The following RSPH14 variants were observed in gnomAD, a reference collection of about 807,000 sequenced individuals.
RSPH14 encodes the protein radial spoke head 14 homolog.
In RSPH14, 20 loss-of-function variants were observed where a neutral mutation model predicts 26.7. The observed-to-expected ratio is 0.75, with a 90% CI of 0.53 to 1.09. The LOEUF (loss-of-function observed/expected upper bound fraction) is 1.09. Ranked by LOEUF, RSPH14 falls within the 50% of genes least tolerant of loss-of-function variation. RSPH14 has a pLI of 0.00. For synonymous variants in RSPH14, 177 were observed against 189.3 expected (o/e 0.93, Z 0.53); for missense variants, 449 against 457.2 (o/e 0.98, Z 0.16).
At chr22:23,123,492 C>A in intron 4 of RSPH14, 1 of 1,130,692 alleles carries the variant, frequency 8.8e-7, no homozygotes, top group Non-Finnish European at 1.3e-6. Flanking sequence ...TGCCCCAACG[C>A]GTGCTAGAGA....
intron 4 of RSPH14, among the ~76,000 whole-genome samples, chr22:23,097,573 C>T (rs563585389): frequency 6.6e-6 from 1 of 152,380 alleles, no homozygotes; most frequent in East Asian, 1.9e-4. Context: ...GAATGACGGA[C>T]GGGCAGGCAG....
chr22:23,121,544 A>C (rs2070024130), intron 4 of RSPH14, among the ~76,000 whole-genome samples: 1 of 152,168 alleles, frequency 6.6e-6, no homozygotes, highest in Non-Finnish European at 1.5e-5. Context: ...TCTGTAAAAC[A>C]GGAGTGGGCA....
the RSPH14 span, among the ~76,000 whole-genome samples, chr22:23,166,936 G>C: frequency 6.6e-6 from 1 of 152,142 alleles, no homozygotes; most frequent in Non-Finnish European, 1.5e-5. Context: ...CTTTGTGCCA[G>C]CCCCGTATGC....
At chr22:23,174,774 G>A in the RSPH14 span, among the ~76,000 whole-genome samples, 1 of 151,782 alleles carries the variant, frequency 6.6e-6, no homozygotes, top group African/African-American at 2.4e-5. Context: ...TTCGCAACCA[G>A]CCTGACCAAC....
At chr22:23,165,448 G>A in the RSPH14 span, among the ~76,000 whole-genome samples, 18 of 152,308 alleles carry the variant, frequency 1.2e-4, no homozygotes, top group South Asian at 3.5e-3. Context: ...GATATGTTCT[G>A]ATCTTGGGAA....
chr22:23,062,212 T>C (rs768292957), intron 5 of RSPH14, among the ~76,000 whole-genome samples: 4 of 152,176 alleles, frequency 2.6e-5, no homozygotes, highest in Non-Finnish European at 5.9e-5. Context: ...AAATAGGGCA[T>C]GTTCTCCGTG....
At chr22:23,155,965 C>G in the RSPH14 span, 1 of 1,609,620 alleles carries the variant, frequency 6.2e-7, no homozygotes, top group African/African-American at 1.3e-5. Context: ...ACCCACCTCA[C>G]AGCTGGGACA....
intron 4 of RSPH14, among the ~76,000 whole-genome samples, chr22:23,091,197 T>C (rs1176592665): frequency 2.0e-5 from 3 of 152,270 alleles, no homozygotes; most frequent in African/African-American, 4.8e-5. Context: ...GACATGTACA[T>C]GGATCTGCGC....
chr22:23,144,119 A>AAC (rs1601873502), upstream of RSPH14, among the ~76,000 whole-genome samples: 1 of 150,208 alleles, frequency 6.7e-6, no homozygotes, highest in East Asian at 2.0e-4. Flanking sequence ...AAAAAAAAAA[A>AAC]ACAGCTAAAG....
chr22:23,139,892 T>C (rs1467002066), intron 2 of RSPH14, among the ~76,000 whole-genome samples: 1 of 152,112 alleles, frequency 6.6e-6, no homozygotes, highest in East Asian at 1.9e-4. Context: ...AAGATCTTGT[T>C]TATAAAAAAA....
the RSPH14 span, chr22:23,155,831 A>G: frequency 1.4e-6 from 1 of 712,088 alleles, no homozygotes; most frequent in Non-Finnish European, 2.2e-6. Context: ...CTGGCTCACA[A>G]CAGGCACTTC....
At chr22:23,166,240 C>T in the RSPH14 span, among the ~76,000 whole-genome samples, 1 of 144,158 alleles carries the variant, frequency 6.9e-6, no homozygotes, top group Non-Finnish European at 1.5e-5. Flanking sequence ...TTACATCACA[C>T]TTGCTATATT....
intron 4 of RSPH14, among the ~76,000 whole-genome samples, chr22:23,079,452 C>T (rs979235499): frequency 2.6e-5 from 4 of 152,144 alleles, no homozygotes; most frequent in African/African-American, 9.6e-5. Flanking sequence ...GGCAGCATGG[C>T]AGGAGTGGGG....
chr22:23,171,532 T>C, the RSPH14 span, among the ~76,000 whole-genome samples: 2 of 152,134 alleles, frequency 1.3e-5, no homozygotes, highest in East Asian at 3.9e-4. Flanking sequence ...ATTGTATACA[T>C]GTACATACAC....
the RSPH14 span, among the ~76,000 whole-genome samples, chr22:23,159,790 C>T: frequency 1.3e-5 from 2 of 152,192 alleles, no homozygotes; most frequent in South Asian, 4.1e-4. Context: ...AAGACCCCAG[C>T]TCTCACTGAA....
At chr22:23,061,699 TG>T (rs2068096035) in intron 6 of RSPH14, 109 bp downstream of exon 6, 38 of 1,377,110 alleles carry the variant, frequency 2.8e-5, no homozygotes, top group Middle Eastern at 2.6e-4. Context: ...TTTTTTTTTT[TG>T]CAAAGTGTGG....
Position 23,134,112 on chromosome 22 carries a change from G to A in RSPH14, c.335C>T (p.Ala112Val). The stretch of plus-strand genomic sequence containing the variant: ...GGGGTCATTCAGCAGGAAGGACAGG[G>A]CAAGGACGATGTCGTGCTCTAGAAA... Reference protein sequence around the residue: ...YAFLEHDIVLALSFLLNDPSP... With the variant: ...YAFLEHDIVLVLSFLLNDPSP... The change falls in exon 4 of 7, where the codon GCC becomes GTC. Residue 112 changes from alanine to valine, a missense_variant. Ala to Val is a moderately conservative substitution (Grantham distance 64, BLOSUM62 0). Coordinates refer to ENST00000216036, the MANE Select transcript of RSPH14 (RefSeq NM_014433.3). 1 of 1,612,914 alleles carries A rather than the reference G, an allele frequency of 6.2e-7. No individual in the cohort carries two copies. Among genetic ancestry groups the A allele is most frequent in the Non-Finnish European group, 8.5e-7 (1 of 1,179,064 alleles).
At position 23,059,866 on chromosome 22, in the gene RSPH14, C is replaced by T. The variant is rs1364263295; in HGVS notation, c.791-148G>A. On this transcript the variant is annotated intron_variant, in intron 6 of 6. Transcript: ENST00000216036. The stretch of plus-strand genomic sequence containing the variant: ...TGCCCCACCAACATGCCCTCACCCT[C>T]AGGGCTCTTGCACCTTCGCTGAGTC... The T allele has an allele frequency of 4.6e-6, 4 of 872,938 alleles. No individual in the cohort carries two copies. The African/African-American group carries it at 5.1e-5, about 11-fold the overall frequency. 54.1% of individuals were successfully genotyped at this position (872,938 alleles called of 1,614,324 possible). A position where few individuals can be genotyped will look rare whatever the true frequency, so the allele number is the denominator to read the frequency against.
At chr22:23,159,270 T>C in the RSPH14 span, 20 of 1,567,818 alleles carry the variant, frequency 1.3e-5, no homozygotes, top group Non-Finnish European at 1.5e-5. Context: ...GGGCCAGGGC[T>C]GTCACCATGG....
Sources: allele counts gnomAD v4.1 joint callset (sites outside exome capture counted in the v4.1 genomes callset), GRCh38; gene constraint gnomAD v4.1.1; transcripts MANE v1.5; gene names NCBI Gene and HGNC (gene_info 2026-07-23, HGNC 2026-07-21).